ZDHHC14: variants seen among roughly 807,000 people sequenced by gnomAD.
ZDHHC14 encodes palmitoyltransferase ZDHHC14.
A neutral mutation model predicts 47.7 loss-of-function variants in ZDHHC14; 16 were observed. That is an observed-to-expected ratio of 0.34 (90% CI 0.23 to 0.51). The LOEUF (loss-of-function observed/expected upper bound fraction) is 0.51. ZDHHC14 is among the 20% of genes least tolerant of loss of function. ZDHHC14 has a pLI of 0.97. For synonymous variants in ZDHHC14, 293 were observed against 278.9 expected, an observed-to-expected ratio of 1.05 and a Z score of -0.50; for missense variants, 515 against 662.5, an observed-to-expected ratio of 0.78 and a Z score of 2.44.
At chr6:157,601,518 A>G (rs1406777759) in intron 3 of ZDHHC14, among the ~76,000 whole-genome samples, 2 of 152,234 alleles carry the variant, frequency 1.3e-5, no homozygotes, top group Non-Finnish European at 2.9e-5. Flanking sequence ...AAAATAGCAT[A>G]CTATGTATCA....
At chr6:157,515,457 C>CTTTTTTTT (rs1187323622) in intron 1 of ZDHHC14, among the ~76,000 whole-genome samples, 14 of 129,444 alleles carry the variant, frequency 1.1e-4, no homozygotes, top group South Asian at 2.6e-4. Flanking sequence ...TTTTCTTTTT[C>CTTTTTTTT]TTTTTTTTTT....
At chr6:157,437,446 C>T (rs1778463813) in intron 1 of ZDHHC14, among the ~76,000 whole-genome samples, 1 of 152,192 alleles carries the variant, frequency 6.6e-6, no homozygotes, top group African/African-American at 2.4e-5. Flanking sequence ...TGTCTCCAGC[C>T]TTGAACAGGT....
At chr6:157,631,786 C>T (rs921469872) in intron 4 of ZDHHC14, 7 of 152,304 alleles carry the variant, frequency 4.6e-5, no homozygotes, top group African/African-American at 1.7e-4. Context: ...GTTTGCTCCA[C>T]ATGGCCGCAC....
chr6:157,439,460 T>C (rs1441423233), intron 1 of ZDHHC14, among the ~76,000 whole-genome samples: 2 of 152,174 alleles, frequency 1.3e-5, no homozygotes, highest in Admixed American at 6.5e-5. Flanking sequence ...CACAATGAGA[T>C]ACCATCTCAC....
At position 157,382,194 on chromosome 6, in the gene ZDHHC14, C is replaced by G; in HGVS notation, c.173C>G (p.Ala58Gly). Residue 58 changes from alanine to glycine, a missense_variant, in exon 1 of 9, where the codon GCC (alanine) becomes GGC (glycine). By Grantham distance (60) the Ala-to-Gly change is moderately conservative. This residue lies in a region of ZDHHC14 where 229 missense variants were observed against 351.5 expected (regional missense o/e 0.65). Coordinates refer to ENST00000359775, the MANE Select transcript of ZDHHC14 (RefSeq NM_024630.3). ...TTCTGTAACGGGAGGATCATGATGG[C>G]CCGGCAGACGGGCGTCTTCTACCTG... The part of the protein sequence containing the change: ...KFFCNGRIMM[A>G]RQTGVFYLTL... 1.9e-6 allele frequency: 3 copies of G among 1,613,692 alleles called. No homozygotes were observed. The highest frequency in any genetic ancestry group is 1.7e-6 in the Non-Finnish European group (2 of 1,179,862).
intron 2 of ZDHHC14, among the ~76,000 whole-genome samples, chr6:157,583,883 A>G (rs147959620): frequency 6.7e-6 from 1 of 150,154 alleles, no homozygotes; most frequent in Non-Finnish European, 1.5e-5. Flanking sequence ...CCACCAAGAG[A>G]TGCAGAGCCA....
At chr6:157,510,700 TG>T (rs1459415117) in intron 1 of ZDHHC14, among the ~76,000 whole-genome samples, 2 of 152,216 alleles carry the variant, frequency 1.3e-5, no homozygotes, top group African/African-American at 4.8e-5. Flanking sequence ...AGAGCTCTGG[TG>T]GGCAGAGAGG....
chr6:157,491,221 G>A (rs991035618), intron 1 of ZDHHC14, among the ~76,000 whole-genome samples: 6 of 152,226 alleles, frequency 3.9e-5, no homozygotes, highest in Non-Finnish European at 8.8e-5. Flanking sequence ...ATTCGAAGGG[G>A]AGAGGTATGT....
At chr6:157,409,116 A>G (rs1777823265) in intron 1 of ZDHHC14, among the ~76,000 whole-genome samples, 1 of 152,238 alleles carries the variant, frequency 6.6e-6, no homozygotes, top group Non-Finnish European at 1.5e-5. Flanking sequence ...AACGAGCTGC[A>G]AGGACACTGG....
intron 5 of ZDHHC14, among the ~76,000 whole-genome samples, chr6:157,645,395 A>T (rs1193894196): frequency 2.0e-5 from 3 of 152,116 alleles, no homozygotes; most frequent in Non-Finnish European, 4.4e-5. Flanking sequence ...CCTGATCAGG[A>T]TGCCACAGTC....
intron 5 of ZDHHC14, among the ~76,000 whole-genome samples, chr6:157,637,842 C>T (rs148527428): frequency 0.017 from 2,615 of 152,304 alleles, 38 homozygotes; most frequent in Non-Finnish European, 0.023. Context: ...CAACTAAAAA[C>T]AATGTCATTG....
At chr6:157,490,003 G>A (rs1408566295) in intron 1 of ZDHHC14, among the ~76,000 whole-genome samples, 2 of 152,100 alleles carry the variant, frequency 1.3e-5, no homozygotes, top group African/African-American at 4.8e-5. Flanking sequence ...TGAGGGATGT[G>A]GACAGACCTG....
intron 8 of ZDHHC14, among the ~76,000 whole-genome samples, chr6:157,654,577 G>T (rs1431870589): frequency 1.3e-5 from 2 of 151,972 alleles, no homozygotes; most frequent in Admixed American, 6.6e-5. Flanking sequence ...GAACTGCAGG[G>T]TGGAAGTTGG....
chr6:157,425,492 A>G (rs1015634915), intron 1 of ZDHHC14, among the ~76,000 whole-genome samples: 20 of 152,234 alleles, frequency 1.3e-4, no homozygotes, highest in Middle Eastern at 6.3e-3. Flanking sequence ...TCAAAGAACA[A>G]TGATAGCGGA....
At chr6:157,408,672 A>G (rs151274384) in intron 1 of ZDHHC14, among the ~76,000 whole-genome samples, 216 of 152,240 alleles carry the variant, frequency 1.4e-3, no homozygotes, top group Non-Finnish European at 2.4e-3. Flanking sequence ...ATTCCATGGC[A>G]TATATGTACC....
At chr6:157,482,459 G>A (rs1779655707) in intron 1 of ZDHHC14, among the ~76,000 whole-genome samples, 1 of 151,584 alleles carries the variant, frequency 6.6e-6, no homozygotes, top group Non-Finnish European at 1.5e-5. Flanking sequence ...TCACCATGGT[G>A]GCCAGGGTGG....
intron 1 of ZDHHC14, among the ~76,000 whole-genome samples, chr6:157,537,209 C>T (rs192673995): frequency 5.3e-4 from 80 of 152,242 alleles, no homozygotes; most frequent in African/African-American, 1.8e-3. Context: ...AATATAGCGC[C>T]CAGAAAACAG....
chr6:157,612,315 A>G (rs1784782627), intron 3 of ZDHHC14, among the ~76,000 whole-genome samples: 4 of 152,140 alleles, frequency 2.6e-5, no homozygotes, highest in Admixed American at 2.6e-4. Context: ...TCCAGCCTCT[A>G]TGCTGACATC....
chr6:157,606,332 G>T (rs1363155882), intron 3 of ZDHHC14, among the ~76,000 whole-genome samples: 1 of 152,182 alleles, frequency 6.6e-6, no homozygotes, highest in East Asian at 1.9e-4. Flanking sequence ...TGGGCATGGT[G>T]GTGGCTGCCT....
Sources: gnomAD v4.1 joint callset for allele counts (sites outside exome capture counted in the v4.1 genomes callset) on GRCh38, gnomAD v4.1.1 for gene constraint, gnomAD v4.1.1 regional missense constraint, MANE v1.5 for transcripts, NCBI Gene and HGNC (gene_info 2026-07-23, HGNC 2026-07-21) for gene names.